Variants in ADARB2 observed in about 807,000 individuals in gnomAD.
ADARB2 encodes adenosine deaminase RNA specific B2 (inactive), also known as inactive double-stranded RNA-specific editase B2.
ADARB2 carries 25 observed loss-of-function variants against 62.2 expected under a neutral mutation model. The observed-to-expected ratio is 0.40, with a 90% CI of 0.29 to 0.56. The LOEUF (loss-of-function observed/expected upper bound fraction) is 0.56, where lower values mean the gene tolerates loss of function less well. Ranked by LOEUF, ADARB2 falls within the 20% of genes least tolerant of loss-of-function variation. ADARB2 has a pLI of 0.43. For synonymous variants in ADARB2, 572 were observed against 500.8 expected, an observed-to-expected ratio of 1.14 and a Z score of -1.90; for missense variants, 1,071 against 1,077.4, an observed-to-expected ratio of 0.99 and a Z score of 0.08.
chr10:1,527,782 A>G (rs1832168101), intron 1 of ADARB2, among the ~76,000 whole-genome samples: 1 of 152,168 alleles, frequency 6.6e-6, no homozygotes, highest in South Asian at 2.1e-4. Flanking sequence ...CCAGCGTGAG[A>G]TATTTGAAGG....
intron 3 of ADARB2, among the ~76,000 whole-genome samples, chr10:1,307,410 C>T (rs1831639677): frequency 7.0e-6 from 1 of 142,508 alleles, no homozygotes; most frequent in Non-Finnish European, 1.5e-5. Context: ...GAATGGCAAT[C>T]ATTAAAAAGT....
At chr10:1,291,998 A>T (rs1831470307) in intron 3 of ADARB2, 1 of 152,384 alleles carries the variant, frequency 6.6e-6, no homozygotes, top group African/African-American at 2.4e-5. Context: ...TACCAATTCC[A>T]GTGGGGCTGT....
chr10:1,278,180 AT>A (rs971931674), intron 3 of ADARB2, among the ~76,000 whole-genome samples: 1 of 151,862 alleles, frequency 6.6e-6, no homozygotes, highest in African/African-American at 2.4e-5. Context: ...GAGTTTTGCC[AT>A]GTTGGTCAGG....
chr10:1,623,282 G>A (rs878999594), intron 1 of ADARB2, among the ~76,000 whole-genome samples: 2 of 152,182 alleles, frequency 1.3e-5, no homozygotes, highest in Admixed American at 1.3e-4. Context: ...CATCCCAGGT[G>A]GTCATGCAGC....
At chr10:1,591,632 ATC>A (rs1564340747) in intron 1 of ADARB2, among the ~76,000 whole-genome samples, 1 of 141,624 alleles carries the variant, frequency 7.1e-6, no homozygotes, top group Admixed American at 7.4e-5. Context: ...CTGTCTCTGA[ATC>A]TCTCTTACAC....
chr10:1,221,345 C>A (rs1238185838), intron 6 of ADARB2, among the ~76,000 whole-genome samples: 1 of 151,974 alleles, frequency 6.6e-6, no homozygotes, highest in Admixed American at 6.6e-5. Flanking sequence ...TAGATAAAAC[C>A]CTTGTCTTTT....
chr10:1,390,921 A>AG (rs1411812269), intron 1 of ADARB2, among the ~76,000 whole-genome samples: 31 of 152,334 alleles, frequency 2.0e-4, no homozygotes, highest in African/African-American at 7.2e-4. Context: ...ACGTGCCTTA[A>AG]ATCGGCTTAG....
At chr10:1,305,380 T>C (rs566232133) in intron 3 of ADARB2, among the ~76,000 whole-genome samples, 2 of 152,030 alleles carry the variant, frequency 1.3e-5, no homozygotes, top group Admixed American at 6.5e-5. Context: ...AATAGACCAG[T>C]AACAGGATCT....
intron 6 of ADARB2, among the ~76,000 whole-genome samples, chr10:1,224,722 G>A (rs1273195032): frequency 2.0e-5 from 3 of 152,198 alleles, no homozygotes; most frequent in East Asian, 3.8e-4. Flanking sequence ...CAGTTTCCAC[G>A]TAGTTGAGTG....
At chr10:1,206,538 C>T (rs1035905739) in intron 7 of ADARB2, among the ~76,000 whole-genome samples, 6 of 151,524 alleles carry the variant, frequency 4.0e-5, no homozygotes, top group Non-Finnish European at 7.4e-5. Flanking sequence ...GTCTCCTCCT[C>T]GTGCCTGTGC....
chr10:1,336,381 G>A (rs750873001), intron 3 of ADARB2, among the ~76,000 whole-genome samples: 54 of 152,208 alleles, frequency 3.5e-4, no homozygotes, highest in East Asian at 1.9e-3. Context: ...TTAAATACCC[G>A]GTTCCTAATC....
chr10:1,681,067 C>T (rs536162654), intron 1 of ADARB2, among the ~76,000 whole-genome samples: 2 of 152,276 alleles, frequency 1.3e-5, no homozygotes, highest in South Asian at 4.2e-4. Context: ...AAGTGGGAAG[C>T]GTCAGGTTTG....
Position 1,180,384 on chromosome 10 carries a change from C to A in ADARB2, c.*2809G>T, listed in dbSNP as rs531110604. 6.6e-6 allele frequency: 1 copy of A among 151,590 alleles called. No individual in the cohort carries two copies. Among genetic ancestry groups the A allele is most frequent in the Non-Finnish European group, 1.5e-5 (1 of 67,864 alleles). The allele number at this position is 151,590 out of a possible 1,614,324, so 9.4% of individuals were successfully genotyped here. ...GTGGGAATCCTGGGACTCGGCCCCC[C>A]CAAGCATAGCTGGGGCTGTGGGAAT... On this transcript the variant is annotated 3_prime_UTR_variant, in exon 10 of 10. Transcript: ENST00000381312.
At chr10:1,451,007 G>T (rs1831029138) in intron 1 of ADARB2, among the ~76,000 whole-genome samples, 3 of 152,194 alleles carry the variant, frequency 2.0e-5, no homozygotes, top group Non-Finnish European at 4.4e-5. Context: ...GGAGCTGATG[G>T]TGTCTGCTGT....
chr10:1,678,211 G>A (rs901679131), intron 1 of ADARB2: 2 of 985,264 alleles, frequency 2.0e-6, no homozygotes, highest in Non-Finnish European at 2.4e-6. Flanking sequence ...AGGGTGAGTG[G>A]CCTCAGGGTG....
intron 1 of ADARB2, among the ~76,000 whole-genome samples, chr10:1,697,839 TTC>T (rs1408060828): frequency 6.6e-6 from 1 of 152,216 alleles, no homozygotes. Flanking sequence ...TCCCTGCAAC[TTC>T]TCTTTCGACT....
chr10:1,600,977 G>A (rs1244957462), intron 1 of ADARB2, among the ~76,000 whole-genome samples: 2 of 152,212 alleles, frequency 1.3e-5, no homozygotes, highest in African/African-American at 4.8e-5. Context: ...CGCAGAAGCA[G>A]TGACTCTTGC....
At chr10:1,643,838 T>C (rs776465842) in intron 1 of ADARB2, among the ~76,000 whole-genome samples, 15 of 152,160 alleles carry the variant, frequency 9.9e-5, no homozygotes, top group Non-Finnish European at 2.1e-4. Context: ...CTGAGAATGA[T>C]TGGAGCCTGC....
chr10:1,576,998 C>A (rs2813374), intron 1 of ADARB2, among the ~76,000 whole-genome samples: 48,096 of 151,954 alleles, frequency 0.32, 7,811 homozygotes, highest in African/African-American at 0.36. Flanking sequence ...CCCGGGGAGG[C>A]TCAGCAGGTG....
Sources: allele counts gnomAD v4.1 joint callset (sites outside exome capture counted in the v4.1 genomes callset), GRCh38; gene constraint gnomAD v4.1.1; transcripts MANE v1.5; gene names NCBI Gene and HGNC (gene_info 2026-07-23, HGNC 2026-07-21).